The following CENPK variants were observed in gnomAD, a reference collection of about 807,000 sequenced individuals.
CENPK encodes centromere protein K.
CENPK carries 46 observed loss-of-function variants against 40.9 expected under a neutral mutation model. The ratio of observed to expected loss-of-function variants is 1.13; its 90% CI spans 0.89 to 1.44. The LOEUF is 1.44. Among genes scored for constraint, CENPK ranks in the 40% most tolerant of loss-of-function variants. The probability of loss-of-function intolerance (pLI) is 0.00; values close to 1 mark genes in which losing one functional copy is unlikely to be tolerated. For missense variants in CENPK, 288 were observed against 303.5 expected, an observed-to-expected ratio of 0.95 and a Z score of 0.38; for synonymous variants, 107 against 104.4, an observed-to-expected ratio of 1.02 and a Z score of -0.15.
chr5:65,542,399 G>A (rs979752990), intron 6 of CENPK, among the ~76,000 whole-genome samples: 3 of 152,172 alleles, frequency 2.0e-5, no homozygotes, highest in Non-Finnish European at 4.4e-5. Flanking sequence ...AGCACTTTGG[G>A]AGACTGAGGC....
Position 65,563,107 on chromosome 5 carries a change from G to C in CENPK, c.-151C>G, listed in dbSNP as rs1003673595. ...CCGGCCCAGGTCTTACCATCACAGC[G>C]TCACAAACTCCAGGTCGCCTAGGCG... On this transcript the variant is annotated 5_prime_UTR_variant, in exon 1 of 11. Coordinates refer to ENST00000396679, the MANE Select transcript of CENPK (RefSeq NM_022145.5). The C allele has an allele frequency of 3.1e-5, 18 of 587,046 alleles. No individual in the cohort carries two copies. In the South Asian group the frequency reaches 3.8e-4, roughly 12 times the overall value. The allele number at this position is 587,046 out of a possible 1,614,324, so 36.4% of individuals were successfully genotyped here.
the CENPK span, among the ~76,000 whole-genome samples, chr5:65,499,982 T>C: frequency 2.3e-5 from 2 of 86,042 alleles, no homozygotes; most frequent in Admixed American, 2.2e-4. Context: ...TCCATGTCCC[T>C]ACAAAGGACA....
the CENPK span, among the ~76,000 whole-genome samples, chr5:65,497,463 G>C: frequency 2.6e-5 from 4 of 152,206 alleles, no homozygotes; most frequent in Admixed American, 6.5e-5. Flanking sequence ...CAACATGGCA[G>C]TTGACCTCAT....
chr5:65,496,112 A>G, the CENPK span, among the ~76,000 whole-genome samples: 5 of 152,088 alleles, frequency 3.3e-5, no homozygotes, highest in African/African-American at 9.7e-5. Flanking sequence ...CAAAAAATTA[A>G]CCAGGCATGG....
chr5:65,531,727 C>A lies in CENPK; in HGVS notation c.289-2528G>T, dbSNP rs539665069. Among the ~76,000 whole-genome samples the A allele has an allele frequency of 1.4e-4, 21 of 152,242 alleles. 1 individual carries two copies. The South Asian group carries it at 4.4e-3, about 32-fold the overall frequency. On this transcript the variant is annotated intron_variant, in intron 6 of 10. Coordinates refer to ENST00000396679, the MANE Select transcript of CENPK (RefSeq NM_022145.5). ...CCATGTTGGCCAGGATGGTCTCGAT[C>A]TCCTGACCTCGTGATCTGCCCGCCT...
rs894206702 is a variant in CENPK, at chr5:65,563,086, C to T, written c.-142+12G>A. Reference sequence around the variant, plus strand: ...TCAACCGTTATATCAACCTCCCCGGCCCAGGTCTTACCATCACAGCGTCAC... The same window carrying T: ...TCAACCGTTATATCAACCTCCCCGGTCCAGGTCTTACCATCACAGCGTCAC... On this transcript the variant is annotated intron_variant, in intron 1 of 10. Transcript: ENST00000396679. 9.8e-6 allele frequency: 5 copies of T among 509,498 alleles called. No individual in the cohort carries two copies. Among genetic ancestry groups the T allele is most frequent in the Non-Finnish European group, 1.7e-5 (5 of 287,388 alleles). 31.6% of individuals were successfully genotyped at this position (509,498 alleles called of 1,614,324 possible).
At chr5:65,502,331 C>G in the CENPK span, among the ~76,000 whole-genome samples, 1 of 152,290 alleles carries the variant, frequency 6.6e-6, no homozygotes, top group South Asian at 2.1e-4. Flanking sequence ...AAGAAAACTG[C>G]TGTGTCCCTC....
At chr5:65,521,013 CTGA>C (rs1580877305) in intron 10 of CENPK, among the ~76,000 whole-genome samples, 1 of 152,074 alleles carries the variant, frequency 6.6e-6, no homozygotes, top group African/African-American at 2.4e-5. Flanking sequence ...AGAAAAGAGA[CTGA>C]TGTTATTTTT....
intron 5 of CENPK, among the ~76,000 whole-genome samples, chr5:65,543,371 C>G (rs879515360): frequency 1.3e-5 from 2 of 152,082 alleles, no homozygotes; most frequent in Non-Finnish European, 2.9e-5. Flanking sequence ...GTTCTTCAAA[C>G]CCTCAAAAGG....
At chr5:65,532,107 C>G (rs1453937449) in intron 6 of CENPK, among the ~76,000 whole-genome samples, 2 of 152,056 alleles carry the variant, frequency 1.3e-5, no homozygotes. Context: ...GAAATGTTAT[C>G]GACAATCTTG....
chr5:65,510,040 CAAT>C, the CENPK span, among the ~76,000 whole-genome samples: 1 of 152,136 alleles, frequency 6.6e-6, no homozygotes, highest in African/African-American at 2.4e-5. Flanking sequence ...CCCTGAGATA[CAAT>C]ATTGAAATAG....
chr5:65,514,228 A>ATATTT (rs199873665), downstream of CENPK, among the ~76,000 whole-genome samples: 1 of 61,648 alleles, frequency 1.6e-5, no homozygotes, highest in African/African-American at 6.7e-5. Context: ...GCCTCACATA[A>ATATTT]TCTTTTTTTT....
intron 6 of CENPK, chr5:65,541,333 A>T (rs1318159875): frequency 2.2e-6 from 1 of 454,630 alleles, no homozygotes; most frequent in East Asian, 7.0e-5. Context: ...CTGAGCGCTC[A>T]ACCTGTGGGA....
downstream of CENPK, among the ~76,000 whole-genome samples, chr5:65,515,582 TGTTTAGAA>T (rs1742802357): frequency 6.6e-6 from 1 of 152,338 alleles, no homozygotes; most frequent in South Asian, 2.1e-4. Flanking sequence ...TTGACCTATG[TGTTTAGAA>T]GTGTGTTCCT....
intron 2 of CENPK, 132 bp from the exon 3 acceptor site, chr5:65,555,078 CTAAG>C (rs1325440643): frequency 1.7e-5 from 9 of 533,828 alleles, no homozygotes; most frequent in African/African-American, 9.9e-5. Context: ...GAACCTTATT[CTAAG>C]TAAGGAAAAC....
the CENPK span, among the ~76,000 whole-genome samples, chr5:65,510,603 C>A: frequency 6.6e-6 from 1 of 151,888 alleles, no homozygotes; most frequent in Admixed American, 6.6e-5. Flanking sequence ...GGTGAGACCC[C>A]GTTTCTACCA....
At chr5:65,549,596 T>C (rs1339634138) in intron 5 of CENPK, among the ~76,000 whole-genome samples, 1 of 152,240 alleles carries the variant, frequency 6.6e-6, no homozygotes, top group Non-Finnish European at 1.5e-5. Flanking sequence ...GGATAACTTG[T>C]TGACGCTTCT....
At chr5:65,513,212 G>A (rs1561602350), downstream of CENPK, among the ~76,000 whole-genome samples, 1 of 152,002 alleles carries the variant, frequency 6.6e-6, no homozygotes, top group African/African-American at 2.4e-5. Context: ...CATGCTTTTG[G>A]TGTTGTAGCT....
the CENPK span, among the ~76,000 whole-genome samples, chr5:65,502,109 GC>G: frequency 6.6e-6 from 1 of 152,132 alleles, no homozygotes; most frequent in Non-Finnish European, 1.5e-5. Flanking sequence ...ACTACTTTTG[GC>G]CTTTTTGGAC....
Sources: allele counts gnomAD v4.1 joint callset (sites outside exome capture counted in the v4.1 genomes callset), GRCh38; gene constraint gnomAD v4.1.1; transcripts MANE v1.5; gene names NCBI Gene and HGNC (gene_info 2026-07-23, HGNC 2026-07-21).